ANO10: variants seen among roughly 807,000 people sequenced by gnomAD.
The protein encoded by ANO10 is anoctamin 10.
A neutral mutation model predicts 74.7 loss-of-function variants in ANO10; 77 were observed. That is an observed-to-expected ratio of 1.03 (90% CI 0.86 to 1.25). ANO10 has a LOEUF of 1.25. Ranked by LOEUF, ANO10 falls within the 50% of genes most tolerant of loss-of-function variation. The pLI, the probability that ANO10 is intolerant of heterozygous loss-of-function variation, is 0.00. For missense variants in ANO10, 721 were observed against 778.1 expected, an observed-to-expected ratio of 0.93 and a Z score of 0.87; for synonymous variants, 279 against 284.9, an observed-to-expected ratio of 0.98 and a Z score of 0.21.
At chr3:43,602,615 C>T (rs1171329097) in intron 2 of ANO10, among the ~76,000 whole-genome samples, 2 of 152,214 alleles carry the variant, frequency 1.3e-5, no homozygotes, top group African/African-American at 4.8e-5. Context: ...GGATTACAGG[C>T]ATAAGCCACT....
At chr3:43,511,370 T>A (rs2077501998) in intron 11 of ANO10, among the ~76,000 whole-genome samples, 1 of 152,222 alleles carries the variant, frequency 6.6e-6, no homozygotes, top group African/African-American at 2.4e-5. Flanking sequence ...TTTAGCAATG[T>A]CCTAGCTCTA....
intron 11 of ANO10, among the ~76,000 whole-genome samples, chr3:43,536,190 C>T (rs1324045926): frequency 6.6e-6 from 1 of 152,196 alleles, no homozygotes; most frequent in Non-Finnish European, 1.5e-5. Context: ...ATGCTTCTTT[C>T]AATTTGAAAT....
intron 1 of ANO10, chr3:43,691,100 G>A (rs2084368543): frequency 1.4e-6 from 2 of 1,469,632 alleles, no homozygotes; most frequent in East Asian, 2.8e-5. Context: ...CGCGGGCCGG[G>A]TTAGGGCCCA....
intron 12 of ANO10, among the ~76,000 whole-genome samples, chr3:43,411,079 A>G (rs1257894208): frequency 1.3e-5 from 2 of 151,896 alleles, no homozygotes; most frequent in Admixed American, 1.3e-4. Flanking sequence ...TGCATTGAAA[A>G]CCAAATTATT....
intron 1 of ANO10, among the ~76,000 whole-genome samples, chr3:43,672,887 T>C (rs2084076836): frequency 6.6e-6 from 1 of 152,204 alleles, no homozygotes; most frequent in Non-Finnish European, 1.5e-5. Flanking sequence ...GTGGTATAAA[T>C]ACTCTCAATT....
intron 1 of ANO10, among the ~76,000 whole-genome samples, chr3:43,647,167 G>GTA (rs1359619327): frequency 2.0e-5 from 3 of 150,830 alleles, no homozygotes; most frequent in Non-Finnish European, 3.0e-5. Context: ...GTGTGTGTGT[G>GTA]TGTGTGTGTG....
intron 1 of ANO10, among the ~76,000 whole-genome samples, chr3:43,659,162 G>A (rs879615158): frequency 1.7e-4 from 26 of 152,138 alleles, no homozygotes; most frequent in Non-Finnish European, 3.1e-4. Flanking sequence ...GGTGATTTCT[G>A]CATTTCCAAC....
chr3:43,422,044 C>T (rs1334643230), intron 12 of ANO10, among the ~76,000 whole-genome samples: 2 of 152,140 alleles, frequency 1.3e-5, no homozygotes, highest in African/African-American at 4.8e-5. Flanking sequence ...CATGGCAATG[C>T]AATTATTAAT....
rs146898438 is a variant in ANO10 at position 43,545,434 on chromosome 3, C to T, written c.1797+4286G>A. The stretch of plus-strand genomic sequence containing the variant: ...TGTCGCCCAGGCTGGAGCGCAGTGG[C>T]GCAATCTCGGCTTACCATAACCTCT... On this transcript the variant is annotated intron_variant, in intron 11 of 12. Transcript: ENST00000292246. Among the ~76,000 whole-genome samples, 819 of 152,074 alleles carry T rather than the reference C, an allele frequency of 5.4e-3. 6 individuals carry two copies. Among genetic ancestry groups the T allele is most frequent in the African/African-American group, 0.018 (746 of 41,462 alleles).
chr3:43,519,271 T>C (rs1448563976), intron 11 of ANO10, among the ~76,000 whole-genome samples: 2 of 152,204 alleles, frequency 1.3e-5, no homozygotes, highest in East Asian at 3.8e-4. Context: ...ACATCCCCTG[T>C]ATTCTGTTTC....
intron 12 of ANO10, among the ~76,000 whole-genome samples, chr3:43,427,494 A>G (rs1374554320): frequency 6.6e-6 from 1 of 152,222 alleles, no homozygotes; most frequent in Admixed American, 6.5e-5. Flanking sequence ...CTTGAGTTGA[A>G]AAGTAGCAAT....
chr3:43,586,321 C>T (rs1035815602), intron 4 of ANO10, among the ~76,000 whole-genome samples: 4 of 152,082 alleles, frequency 2.6e-5, no homozygotes, highest in Non-Finnish European at 4.4e-5. Flanking sequence ...GGGCCAAAGA[C>T]AGGCCTAAAT....
At chr3:43,579,801 CTG>C (rs2081183417) in intron 5 of ANO10, among the ~76,000 whole-genome samples, 1 of 152,176 alleles carries the variant, frequency 6.6e-6, no homozygotes. Context: ...TCTGAACTGT[CTG>C]TGTTGTTGGT....
intron 1 of ANO10, among the ~76,000 whole-genome samples, chr3:43,645,286 T>A (rs1216519514): frequency 1.3e-5 from 2 of 152,058 alleles, no homozygotes; most frequent in Admixed American, 6.6e-5. Flanking sequence ...GTCAAGAGAT[T>A]GAGACCATCC....
At chr3:43,518,525 G>A (rs1379377919) in intron 11 of ANO10, among the ~76,000 whole-genome samples, 1 of 152,178 alleles carries the variant, frequency 6.6e-6, no homozygotes, top group Non-Finnish European at 1.5e-5. Flanking sequence ...TAACCATGGG[G>A]CCTGACTGCC....
chr3:43,594,727 G>T (rs1304714182), intron 4 of ANO10, among the ~76,000 whole-genome samples: 12 of 151,966 alleles, frequency 7.9e-5, no homozygotes, highest in Admixed American at 2.6e-4. Context: ...GCAAACACAT[G>T]CAAAAGCTAG....
At chr3:43,459,951 C>G (rs2075307212) in intron 11 of ANO10, among the ~76,000 whole-genome samples, 1 of 152,066 alleles carries the variant, frequency 6.6e-6, no homozygotes, top group Non-Finnish European at 1.5e-5. Flanking sequence ...TTATAAACTA[C>G]TATATAAAGA....
At chr3:43,410,175 A>T (rs1440026810) in intron 12 of ANO10, among the ~76,000 whole-genome samples, 1 of 152,054 alleles carries the variant, frequency 6.6e-6, no homozygotes, top group African/African-American at 2.4e-5. Context: ...CAAGAGAACA[A>T]GGATTTTGTA....
intron 11 of ANO10, among the ~76,000 whole-genome samples, chr3:43,436,324 G>T (rs1433246168): frequency 6.6e-6 from 1 of 151,984 alleles, no homozygotes; most frequent in African/African-American, 2.4e-5. Context: ...CATATTTGAA[G>T]AAAAACACTC....
Sources: gnomAD v4.1 joint callset for allele counts (sites outside exome capture counted in the v4.1 genomes callset) on GRCh38, gnomAD v4.1.1 for gene constraint, MANE v1.5 for transcripts, NCBI Gene and HGNC (gene_info 2026-07-23, HGNC 2026-07-21) for gene names.